MACROD2: variants seen among roughly 807,000 people sequenced by gnomAD.
MACROD2 encodes the protein ADP-ribose glycohydrolase MACROD2.
In MACROD2, 36 loss-of-function variants were observed where a neutral mutation model predicts 70.4. That is an observed-to-expected ratio of 0.51 (90% CI 0.39 to 0.68). The LOEUF is 0.68. Among genes scored for constraint, MACROD2 ranks in the 30% least tolerant of loss-of-function variants. MACROD2 has a pLI of 0.00. For synonymous variants in MACROD2, 172 were observed against 178.8 expected (o/e 0.96, Z 0.30); for missense variants, 496 against 538.4 (o/e 0.92, Z 0.78).
At chr20:15,314,574 G>A (rs977149223) in intron 6 of MACROD2, among the ~76,000 whole-genome samples, 2 of 152,208 alleles carry the variant, frequency 1.3e-5, no homozygotes, top group African/African-American at 4.8e-5. Context: ...TAGGGAGAAA[G>A]CAAGACTTTA....
At chr20:15,939,884 G>A (rs1333479321) in intron 12 of MACROD2, among the ~76,000 whole-genome samples, 1 of 152,062 alleles carries the variant, frequency 6.6e-6, no homozygotes, top group African/African-American at 2.4e-5. Context: ...GACTGTGAGT[G>A]GTTCAAGACT....
chr20:14,177,805 C>A (rs571305978), intron 3 of MACROD2, among the ~76,000 whole-genome samples: 1 of 152,146 alleles, frequency 6.6e-6, no homozygotes, highest in Non-Finnish European at 1.5e-5. Context: ...AACTAGATCA[C>A]CATTTGGAAA....
At chr20:15,439,753 C>A (rs918545584) in intron 7 of MACROD2, among the ~76,000 whole-genome samples, 1 of 152,178 alleles carries the variant, frequency 6.6e-6, no homozygotes, top group East Asian at 1.9e-4. Flanking sequence ...GCTACTCCAA[C>A]GTGACGTTTC....
At position 14,496,997 on chromosome 20, in the gene MACROD2, A is replaced by G. The variant is rs996183708; in HGVS notation, c.301+3489A>G. Among the ~76,000 whole-genome samples, 9 of 151,758 alleles carry G rather than the reference A, an allele frequency of 5.9e-5. 1 individual carries two copies. Among genetic ancestry groups the G allele is most frequent in the African/African-American group, 2.2e-4 (9 of 41,032 alleles). ...TAGGGCAAAGTTGGAATGAGAAGAC[A>G]GCGTTCTTGACTGCCACTCCAGGGC... On this transcript the variant is annotated intron_variant, in intron 4 of 17. Transcript: ENST00000684519.
chr20:15,042,875 A>G (rs2075366295), intron 5 of MACROD2, among the ~76,000 whole-genome samples: 2 of 152,302 alleles, frequency 1.3e-5, no homozygotes, highest in Middle Eastern at 6.8e-3. Flanking sequence ...AGTAGTGACT[A>G]CTTTATTTTT....
rs899377958 is a variant in MACROD2, at chr20:13,995,979, A to G, written c.46+170A>G. Among the ~76,000 whole-genome samples the G allele has an allele frequency of 1.1e-4, 17 of 151,676 alleles. No homozygotes were observed. Among genetic ancestry groups the G allele is most frequent in the African/African-American group, 4.1e-4 (17 of 41,300 alleles). ...TGTACACACGCGCACACTCGCGCGC[A>G]CTCCGGCGTGCACGCGCCGCCCCTG... On this transcript the variant is annotated intron_variant, in intron 1 of 17. Coordinates refer to ENST00000684519, the MANE Select transcript of MACROD2 (RefSeq NM_001351661.2). The surrounding 1 kb of genome is among the most constrained non-coding windows in gnomAD (Gnocchi z 4.3).
intron 3 of MACROD2, among the ~76,000 whole-genome samples, chr20:14,435,705 A>G (rs1168939121): frequency 7.4e-6 from 1 of 134,476 alleles, no homozygotes; most frequent in Non-Finnish European, 1.7e-5. Flanking sequence ...CTAAAGTTAT[A>G]GAAGTCATTT....
chr20:14,761,201 T>C (rs1386311786), intron 5 of MACROD2, among the ~76,000 whole-genome samples: 1 of 152,098 alleles, frequency 6.6e-6, no homozygotes, highest in Non-Finnish European at 1.5e-5. Context: ...ATATAGATAT[T>C]TGGGTATTGT....
rs564066177 is a variant in MACROD2, at chr20:15,075,664, G to A, written c.419-154276G>A. On this transcript the variant is annotated intron_variant, in intron 5 of 17. Coordinates refer to ENST00000684519, the MANE Select transcript of MACROD2 (RefSeq NM_001351661.2). ...AAAAATGACTGCCTTCATTTTCCCAGTTGCCCTGAGTAAACTCCTCCTTGT... is the reference window on the plus strand; with the variant it reads ...AAAAATGACTGCCTTCATTTTCCCAATTGCCCTGAGTAAACTCCTCCTTGT... 8.0e-4 allele frequency among the ~76,000 whole-genome samples: 122 copies of A among 152,204 alleles called. 1 individual carries two copies. The highest frequency in any genetic ancestry group is 2.5e-3 in the African/African-American group (104 of 41,530).
At chr20:14,828,269 T>C (rs570602051) in intron 5 of MACROD2, among the ~76,000 whole-genome samples, 1 of 152,146 alleles carries the variant, frequency 6.6e-6, no homozygotes, top group Non-Finnish European at 1.5e-5. Flanking sequence ...CTGAGCTATT[T>C]TGAGGATGAA....
At chr20:15,884,475 G>A (rs1018452476) in intron 9 of MACROD2, among the ~76,000 whole-genome samples, 6 of 151,992 alleles carry the variant, frequency 3.9e-5, no homozygotes, top group Admixed American at 6.6e-5. Flanking sequence ...GAGTGTTATC[G>A]GGAAGAGTCT....
intron 6 of MACROD2, among the ~76,000 whole-genome samples, chr20:15,252,380 G>A (rs2077163323): frequency 6.6e-6 from 1 of 152,154 alleles, no homozygotes; most frequent in South Asian, 2.1e-4. Flanking sequence ...CAAAGATTGA[G>A]TTCTTACTCA....
chr20:15,686,573 A>G (rs1258434251), intron 8 of MACROD2, among the ~76,000 whole-genome samples: 1 of 152,202 alleles, frequency 6.6e-6, no homozygotes, highest in African/African-American at 2.4e-5. Flanking sequence ...TTATTAGTCA[A>G]ATAAAATACA....
intron 8 of MACROD2, among the ~76,000 whole-genome samples, chr20:15,855,280 A>G (rs2064344190): frequency 6.6e-6 from 1 of 152,208 alleles, no homozygotes; most frequent in Non-Finnish European, 1.5e-5. Context: ...TTAATGGAAC[A>G]TATGTCATCA....
chr20:14,713,486 A>G (rs1297562076), intron 5 of MACROD2, among the ~76,000 whole-genome samples: 1 of 152,160 alleles, frequency 6.6e-6, no homozygotes, highest in Admixed American at 6.5e-5. Context: ...TTACTCTGGC[A>G]GTTTTACCAC....
At chr20:15,496,654 CA>C (rs1357422489) in intron 7 of MACROD2, among the ~76,000 whole-genome samples, 1 of 152,068 alleles carries the variant, frequency 6.6e-6, no homozygotes, top group East Asian at 1.9e-4. Flanking sequence ...AGTACTTATT[CA>C]ACATACCTAA....
At chr20:15,358,759 G>C (rs1220093378) in intron 6 of MACROD2, among the ~76,000 whole-genome samples, 2 of 151,896 alleles carry the variant, frequency 1.3e-5, no homozygotes, top group Non-Finnish European at 2.9e-5. Context: ...GCCTGCAGAC[G>C]GTTGACTTCT....
At chr20:15,109,955 A>G (rs2075942053) in intron 5 of MACROD2, among the ~76,000 whole-genome samples, 1 of 152,180 alleles carries the variant, frequency 6.6e-6, no homozygotes, top group Non-Finnish European at 1.5e-5. Flanking sequence ...CGTTTGTGAT[A>G]ATAGGTTCTC....
In MACROD2 at chr20:15,807,405, C is replaced by T. The variant is rs187728222; in HGVS notation, c.646-55340C>T. Among the ~76,000 whole-genome samples, 37 of 152,270 alleles carry T rather than the reference C, an allele frequency of 2.4e-4. No homozygotes were observed. In the East Asian group the frequency reaches 2.9e-3, roughly 12 times the overall value. On this transcript the variant is annotated intron_variant, in intron 8 of 17. Coordinates refer to ENST00000684519, the MANE Select transcript of MACROD2 (RefSeq NM_001351661.2). ...ACCATCTTCTGAATTCATTGTGGGTCGTATTTTGTCACCTTCTTCCTACTT... is the reference window on the plus strand; with the variant it reads ...ACCATCTTCTGAATTCATTGTGGGTTGTATTTTGTCACCTTCTTCCTACTT...
Sources: gnomAD v4.1 joint callset for allele counts (sites outside exome capture counted in the v4.1 genomes callset) on GRCh38, gnomAD v4.1.1 for gene constraint, Gnocchi (gnomAD v3.1) non-coding constraint, MANE v1.5 for transcripts, NCBI Gene and HGNC (gene_info 2026-07-23, HGNC 2026-07-21) for gene names.